The following CUX1 variants were observed in gnomAD, a reference collection of about 807,000 sequenced individuals.
The protein encoded by CUX1 is protein CASP.
CUX1 carries 31 observed loss-of-function variants against 158.8 expected under a neutral mutation model. The ratio of observed to expected loss-of-function variants is 0.20; its 90% CI spans 0.15 to 0.26. The LOEUF is 0.26. Among genes scored for constraint, CUX1 ranks in the 10% least tolerant of loss-of-function variants. The probability of loss-of-function intolerance (pLI) is 1.00; values close to 1 mark genes in which losing one functional copy is unlikely to be tolerated. For missense variants in CUX1, 1,589 were observed against 2,014.6 expected, an observed-to-expected ratio of 0.79 and a Z score of 4.04; for synonymous variants, 879 against 862.1, an observed-to-expected ratio of 1.02 and a Z score of -0.34.
chr7:102,056,203 G>T (rs1824101783), intron 3 of CUX1, among the ~76,000 whole-genome samples: 1 of 152,190 alleles, frequency 6.6e-6, no homozygotes, highest in South Asian at 2.1e-4. Context: ...TTATCCAGGA[G>T]ATCTAGCTAA....
chr7:102,283,869 C>G (rs1792307243), exon 23 of CUX1: 1 of 152,314 alleles, frequency 6.6e-6, no homozygotes, highest in Non-Finnish European at 1.5e-5. Context: ...AGCACGGCCA[C>G]CTCTCAGGGC....
At chr7:101,879,742 G>A (rs547980398) in intron 1 of CUX1, among the ~76,000 whole-genome samples, 1 of 152,248 alleles carries the variant, frequency 6.6e-6, no homozygotes, top group African/African-American at 2.4e-5. Context: ...CGGCCCGCCC[G>A]CAGGGTCCTT....
At chr7:101,975,663 A>C (rs1812573677) in intron 2 of CUX1, among the ~76,000 whole-genome samples, 1 of 152,184 alleles carries the variant, frequency 6.6e-6, no homozygotes, top group Non-Finnish European at 1.5e-5. Context: ...GCATTGTGAT[A>C]AATTTTCCAC....
At chr7:102,129,965 C>T (rs1833038402) in intron 8 of CUX1, among the ~76,000 whole-genome samples, 1 of 152,148 alleles carries the variant, frequency 6.6e-6, no homozygotes. Context: ...CGTTAAAAAA[C>T]TTTTTGGAAC....
chr7:101,840,010 C>T (rs777246451), intron 1 of CUX1, among the ~76,000 whole-genome samples: 5 of 152,218 alleles, frequency 3.3e-5, no homozygotes, highest in Non-Finnish European at 4.4e-5. Context: ...GATCCGTCTG[C>T]CTCGGCCTCT....
At chr7:102,023,493 A>G (rs188964512) in intron 2 of CUX1, among the ~76,000 whole-genome samples, 120 of 152,286 alleles carry the variant, frequency 7.9e-4, no homozygotes, top group African/African-American at 2.7e-3. Context: ...TTTTTGAGAC[A>G]GAGTCTCTCT....
intron 2 of CUX1, among the ~76,000 whole-genome samples, chr7:101,996,872 G>A (rs1318857147): frequency 1.3e-5 from 2 of 151,982 alleles, no homozygotes; most frequent in African/African-American, 4.8e-5. Context: ...GTCTGCCCAT[G>A]GAAATCTCGT....
chr7:101,816,600 G>A (rs906529362), upstream of CUX1, among the ~76,000 whole-genome samples: 11 of 144,150 alleles, frequency 7.6e-5, no homozygotes, highest in Non-Finnish European at 1.5e-4. Context: ...CGCGCCCCCG[G>A]CCCGCCGTAT....
At chr7:102,152,149 T>C (rs1554503766) in intron 8 of CUX1, among the ~76,000 whole-genome samples, 2 of 152,126 alleles carry the variant, frequency 1.3e-5, no homozygotes, top group South Asian at 2.1e-4. Flanking sequence ...TAAGACCAGC[T>C]TGGGAAGCAT....
intron 1 of CUX1, among the ~76,000 whole-genome samples, chr7:101,879,111 GA>G (rs1329077186): frequency 1.3e-5 from 2 of 152,226 alleles, no homozygotes; most frequent in East Asian, 3.8e-4. Context: ...CTAAGTAGCT[GA>G]AACTGTTGCA....
At chr7:102,093,894 T>A (rs1371966737) in intron 4 of CUX1, among the ~76,000 whole-genome samples, 2 of 152,196 alleles carry the variant, frequency 1.3e-5, no homozygotes, top group Non-Finnish European at 2.9e-5. Flanking sequence ...TGTGTGTTCC[T>A]GTTTTATATA....
intron 8 of CUX1, among the ~76,000 whole-genome samples, chr7:102,117,058 C>T (rs528661339): frequency 2.0e-5 from 3 of 152,140 alleles, no homozygotes; most frequent in Non-Finnish European, 2.9e-5. Context: ...GCAGGTCAGA[C>T]AGGGAGCCTG....
At position 102,247,213 on chromosome 7, in the gene CUX1, A is replaced by G. The variant is rs572299136; in HGVS notation, c.3888-1199A>G. On this transcript the variant is annotated intron_variant, in intron 23 of 23. Transcript: ENST00000292535. Reference sequence around the variant, plus strand: ...TGCCTCTAAGTAAAATAAGGAAAGGAAAAAAAAAAAAAGAAAGAAAAAATA... The same window carrying G: ...TGCCTCTAAGTAAAATAAGGAAAGGGAAAAAAAAAAAAGAAAGAAAAAATA... Among the ~76,000 whole-genome samples the G allele has an allele frequency of 4.4e-5, 6 of 136,592 alleles. No homozygotes were observed. The South Asian group carries it at 1.3e-3, about 31-fold the overall frequency. 89.6% of individuals were successfully genotyped at this position (136,592 alleles called of 152,430 possible). A position where few individuals can be genotyped will look rare whatever the true frequency, so the allele number is the denominator to read the frequency against.
intron 8 of CUX1, among the ~76,000 whole-genome samples, chr7:102,147,849 A>C (rs770368256): frequency 6.6e-5 from 10 of 152,010 alleles, no homozygotes; most frequent in Non-Finnish European, 1.3e-4. Flanking sequence ...AAATAGAAAA[A>C]TTAGCCGGGC....
In CUX1 at chr7:101,845,788, C is replaced by T. The variant is rs142929748; in HGVS notation, c.30+28119C>T. Among the ~76,000 whole-genome samples the T allele has an allele frequency of 7.8e-3, 1,190 of 152,074 alleles. 8 individuals are homozygous for T. Among genetic ancestry groups the T allele is most frequent in the African/African-American group, 0.027 (1,138 of 41,474 alleles). On this transcript the variant is annotated intron_variant, in intron 1 of 23. Transcript: ENST00000292535. ...TCCCCGCACTTTGGGAGGCTGAGGC[C>T]GGAGGACCACTTGAGTTCAAGACCA... is the stretch of plus-strand genomic sequence containing the variant.
chr7:101,853,173 C>G (rs377102710), intron 1 of CUX1, among the ~76,000 whole-genome samples: 3 of 152,248 alleles, frequency 2.0e-5, no homozygotes, highest in South Asian at 4.1e-4. Flanking sequence ...TTCCCTGCCC[C>G]CTCTCTGGGA....
chr7:101,897,622 G>A (rs1315008850), intron 1 of CUX1, among the ~76,000 whole-genome samples: 1 of 152,162 alleles, frequency 6.6e-6, no homozygotes, highest in East Asian at 1.9e-4. Flanking sequence ...GCTGATGTAA[G>A]TATCACAGCG....
intron 20 of CUX1, among the ~76,000 whole-genome samples, chr7:102,224,042 G>A (rs1798104928): frequency 1.3e-5 from 2 of 152,206 alleles, no homozygotes; most frequent in Admixed American, 6.5e-5. Context: ...TCTCCAACGC[G>A]TCTGTTTGCT....
chr7:102,157,871 G>A (rs1789949198), intron 8 of CUX1, among the ~76,000 whole-genome samples: 1 of 152,204 alleles, frequency 6.6e-6, no homozygotes, highest in Non-Finnish European at 1.5e-5. Context: ...ATTACTCAAG[G>A]AAGTACTTTC....
Sources: gnomAD v4.1 joint callset for allele counts (sites outside exome capture counted in the v4.1 genomes callset) on GRCh38, gnomAD v4.1.1 for gene constraint, MANE v1.5 for transcripts, NCBI Gene and HGNC (gene_info 2026-07-23, HGNC 2026-07-21) for gene names.